Variants in SDK1 observed in about 807,000 individuals in gnomAD.
SDK1 encodes protein sidekick-1.
SDK1 carries 157 observed loss-of-function variants against 245.5 expected under a neutral mutation model. The ratio of observed to expected loss-of-function variants is 0.64; its 90% CI spans 0.56 to 0.73. The LOEUF is 0.73. Ranked by LOEUF, SDK1 falls within the 30% of genes least tolerant of loss-of-function variation. The pLI, the probability that SDK1 is intolerant of heterozygous loss-of-function variation, is 0.00. For missense variants in SDK1, 3,583 were observed against 3,002.3 expected, an observed-to-expected ratio of 1.19 and a Z score of -4.52; for synonymous variants, 1,647 against 1,278.5, an observed-to-expected ratio of 1.29 and a Z score of -6.15.
Position 4,267,076 on chromosome 7 carries a change from G to T in SDK1, c.*1692G>T. ...GATTCTGTGCTGTCAGCGTTGCTGA[G>T]TATGGCCCCAGGAGACCAAGGAGAG... On this transcript the variant is annotated 3_prime_UTR_variant, in exon 45 of 45. Transcript: ENST00000404826. The T allele has an allele frequency of 2.0e-6, 2 of 985,522 alleles. No homozygotes were observed. Among genetic ancestry groups the T allele is most frequent in the Non-Finnish European group, 2.4e-6 (2 of 829,986 alleles). The allele number at this position is 985,522 out of a possible 1,614,324, so 61.0% of individuals were successfully genotyped here. A position where few individuals can be genotyped will look rare whatever the true frequency, so the allele number is the denominator to read the frequency against.
At chr7:3,740,114 CT>C (rs1173132617) in intron 4 of SDK1, among the ~76,000 whole-genome samples, 1 of 152,142 alleles carries the variant, frequency 6.6e-6, no homozygotes, top group Non-Finnish European at 1.5e-5. Context: ...TGTGTTGAGG[CT>C]TGCCTGCTAT....
chr7:4,215,717 G>A (rs537896682), intron 38 of SDK1, among the ~76,000 whole-genome samples: 11 of 152,334 alleles, frequency 7.2e-5, no homozygotes, highest in East Asian at 3.9e-4. Flanking sequence ...GTTCACAGCC[G>A]TGCATGAGAG....
intron 4 of SDK1, among the ~76,000 whole-genome samples, chr7:3,679,861 A>G (rs1784044734): frequency 6.6e-6 from 1 of 152,240 alleles, no homozygotes; most frequent in African/African-American, 2.4e-5. Context: ...GTCTAAAAAC[A>G]AAACATACGC....
At chr7:4,226,177 G>A (rs575811233) in intron 40 of SDK1, among the ~76,000 whole-genome samples, 1 of 152,306 alleles carries the variant, frequency 6.6e-6, no homozygotes, top group South Asian at 2.1e-4. Flanking sequence ...ACGTTCTCCA[G>A]GTGGGGTGTG....
At chr7:3,610,732 G>T (rs957057562) in intron 1 of SDK1, among the ~76,000 whole-genome samples, 1 of 152,184 alleles carries the variant, frequency 6.6e-6, no homozygotes, top group Non-Finnish European at 1.5e-5. Flanking sequence ...CCTTAAATAT[G>T]GTGTTAATTT....
At chr7:3,485,096 T>C (rs1356607349) in intron 1 of SDK1, among the ~76,000 whole-genome samples, 1 of 152,200 alleles carries the variant, frequency 6.6e-6, no homozygotes, top group Non-Finnish European at 1.5e-5. Context: ...TCCATAATAG[T>C]TCTGCCAATT....
At chr7:3,404,408 T>G (rs1209459307) in intron 1 of SDK1, among the ~76,000 whole-genome samples, 1 of 152,234 alleles carries the variant, frequency 6.6e-6, no homozygotes, top group Non-Finnish European at 1.5e-5. Flanking sequence ...GTATGTTTTA[T>G]TATTTTCTGC....
intron 1 of SDK1, among the ~76,000 whole-genome samples, chr7:3,457,532 C>A (rs1233152977): frequency 6.6e-6 from 1 of 152,166 alleles, no homozygotes; most frequent in African/African-American, 2.4e-5. Flanking sequence ...ACCCATACAG[C>A]ATACGATGAG....
At chr7:4,095,108 C>A (rs983864098) in intron 22 of SDK1, among the ~76,000 whole-genome samples, 4 of 152,104 alleles carry the variant, frequency 2.6e-5, no homozygotes, top group Non-Finnish European at 5.9e-5. Flanking sequence ...TCAGCTCCTC[C>A]ATATCTGAGG....
intron 5 of SDK1, among the ~76,000 whole-genome samples, chr7:3,859,666 C>T (rs1377802026): frequency 2.0e-5 from 3 of 152,120 alleles, no homozygotes; most frequent in Admixed American, 1.3e-4. Context: ...TCTTATAAGG[C>T]CAACTTCCAT....
intron 1 of SDK1, among the ~76,000 whole-genome samples, chr7:3,383,182 TG>T (rs1781531839): frequency 6.6e-6 from 1 of 151,998 alleles, no homozygotes. Flanking sequence ...AAGGCTGAGG[TG>T]GGGGGATCAA....
Position 4,012,238 on chromosome 7 carries a change from A to C in SDK1, c.2420+3A>C. 1 of 1,491,904 alleles carries C rather than the reference A, an allele frequency of 6.7e-7. No individual in the cohort carries two copies. Among genetic ancestry groups the C allele is most frequent in the Non-Finnish European group, 8.9e-7 (1 of 1,123,184 alleles). The allele number at this position is 1,491,904 out of a possible 1,614,324, so 92.4% of individuals were successfully genotyped here. On this transcript the variant is annotated splice_donor_region_variant and intron_variant, in intron 16 of 44. Coordinates refer to ENST00000404826, the MANE Select transcript of SDK1 (RefSeq NM_152744.4). ...GTGTTGCGTGGATACATCCTCAGGC[A>C]AGTGCCCTGTGATTGGCCATCTTTA...
At chr7:3,679,406 A>C (rs1334915090) in intron 4 of SDK1, among the ~76,000 whole-genome samples, 1 of 152,132 alleles carries the variant, frequency 6.6e-6, no homozygotes, top group Non-Finnish European at 1.5e-5. Context: ...CTCTACTAAA[A>C]ATACAAAAAA....
At chr7:3,480,654 A>G (rs1044398397) in intron 1 of SDK1, among the ~76,000 whole-genome samples, 3 of 152,224 alleles carry the variant, frequency 2.0e-5, no homozygotes. Context: ...CTGTTTGGAT[A>G]TACCTATGGG....
intron 22 of SDK1, among the ~76,000 whole-genome samples, chr7:4,106,663 C>A (rs1282385619): frequency 6.6e-6 from 1 of 152,204 alleles, no homozygotes; most frequent in Non-Finnish European, 1.5e-5. Flanking sequence ...GCCCGGCGTT[C>A]TCAGAGAAAC....
chr7:4,246,393 C>A (rs1033590600), intron 44 of SDK1, among the ~76,000 whole-genome samples: 2 of 152,110 alleles, frequency 1.3e-5, no homozygotes, highest in Non-Finnish European at 2.9e-5. Context: ...AGTGTGGACT[C>A]CTGCCTCGGA....
At chr7:3,536,321 C>A (rs1348534940) in intron 1 of SDK1, among the ~76,000 whole-genome samples, 1 of 151,996 alleles carries the variant, frequency 6.6e-6, no homozygotes, top group Admixed American at 6.6e-5. Flanking sequence ...CTGCCTCAGC[C>A]TCCCAAAGTG....
chr7:3,305,734 C>A (rs1031302226), intron 1 of SDK1, among the ~76,000 whole-genome samples: 22 of 152,192 alleles, frequency 1.4e-4, no homozygotes, highest in African/African-American at 4.8e-4. Context: ...ATTTAACAGA[C>A]AACTGGTCTC....
intron 1 of SDK1, among the ~76,000 whole-genome samples, chr7:3,463,145 C>G (rs1403331405): frequency 6.6e-6 from 1 of 152,172 alleles, no homozygotes; most frequent in East Asian, 1.9e-4. Context: ...TGTCATTTCC[C>G]TGACTCCATG....
Sources: gnomAD v4.1 joint callset for allele counts (sites outside exome capture counted in the v4.1 genomes callset) on GRCh38, gnomAD v4.1.1 for gene constraint, MANE v1.5 for transcripts, NCBI Gene and HGNC (gene_info 2026-07-23, HGNC 2026-07-21) for gene names.